PTCD2: variants seen among roughly 807,000 people sequenced by gnomAD.
PTCD2 encodes pentatricopeptide repeat domain 2.
Under a neutral mutation model 42.6 loss-of-function variants are expected in PTCD2, and 31 were observed. The observed-to-expected ratio is 0.73, with a 90% CI of 0.55 to 0.98. PTCD2 has a LOEUF of 0.98. Among genes scored for constraint, PTCD2 ranks in the 50% least tolerant of loss-of-function variants. The probability of loss-of-function intolerance (pLI) is 0.00; values close to 1 mark genes in which losing one functional copy is unlikely to be tolerated. For synonymous variants in PTCD2, 183 were observed against 170.9 expected (o/e 1.07, Z -0.55); for missense variants, 476 against 454.8 (o/e 1.05, Z -0.42).
chr5:72,339,073 G>A (rs1346882914), intron 7 of PTCD2, among the ~76,000 whole-genome samples: 1 of 152,250 alleles, frequency 6.6e-6, no homozygotes, highest in Admixed American at 6.5e-5. Flanking sequence ...AGCCTCAGAT[G>A]AATGAGGACT....
Position 72,338,611 on chromosome 5 carries a change from TCTC to T in PTCD2, c.640-7_640-5del, listed in dbSNP as rs753310556. 3.6e-6 allele frequency: 5 copies of T among 1,393,878 alleles called. No homozygotes were observed. The South Asian group carries it at 5.9e-5, about 17-fold the overall frequency. The allele number at this position is 1,393,878 out of a possible 1,614,324, so 86.3% of individuals were successfully genotyped here. On this transcript the variant is annotated splice_region_variant and splice_polypyrimidine_tract_variant and intron_variant, in intron 6 of 9. Transcript: ENST00000380639. ...TTATAACATTAATCGAACAATCCTGTCTCCTCACAGAATAGCCCTGAGTCTTTC... is the reference window on the plus strand; with the variant it reads ...TTATAACATTAATCGAACAATCCTGTCTCACAGAATAGCCCTGAGTCTTTC...
At chr5:72,325,742 A>C (rs763623261) in intron 2 of PTCD2, among the ~76,000 whole-genome samples, 1 of 152,196 alleles carries the variant, frequency 6.6e-6, no homozygotes, top group Admixed American at 6.5e-5. Context: ...GGTTCTTGGA[A>C]CAAATCCTAT....
At position 72,358,384 on chromosome 5, in the gene PTCD2, G is replaced by A. The variant is rs768526961; in HGVS notation, c.1124G>A (p.Arg375His). 11 of 1,613,566 alleles carry A rather than the reference G, an allele frequency of 6.8e-6. No individual in the cohort carries two copies. The East Asian group carries it at 8.9e-5, about 13-fold the overall frequency. The change falls in exon 10 of 10, where the codon CGT (arginine) becomes CAT (histidine). Residue 375 changes from arginine to histidine, a missense_variant. By Grantham distance (29) the Arg-to-His change is conservative. Coordinates refer to ENST00000380639, the MANE Select transcript of PTCD2 (RefSeq NM_024754.5). ...CTATTAAACAAGAGGATGGTCAGCCGTCGCACCTTCCAGCCACTCAGCCAG... is the reference window on the plus strand; with the variant it reads ...CTATTAAACAAGAGGATGGTCAGCCATCGCACCTTCCAGCCACTCAGCCAG... ...TLLLNKRMVS[R>H]RTFQPLSQSL...
intron 8 of PTCD2, among the ~76,000 whole-genome samples, chr5:72,351,236 G>A (rs1752605180): frequency 6.6e-6 from 1 of 152,140 alleles, no homozygotes; most frequent in African/African-American, 2.4e-5. Flanking sequence ...GGGGGGAGAT[G>A]TGTTCTTTTT....
At position 72,331,260 on chromosome 5, in the gene PTCD2, A is replaced by G; in HGVS notation, c.353A>G (p.Tyr118Cys). 1 of 1,599,502 alleles carries G rather than the reference A, an allele frequency of 6.3e-7. No homozygotes were observed. The highest frequency in any genetic ancestry group is 1.1e-5 in the South Asian group (1 of 90,770). Residue 118 changes from tyrosine to cysteine, a missense_variant and splice_region_variant, in exon 4 of 10, where the codon TAC becomes TGC. Coordinates refer to ENST00000380639, the MANE Select transcript of PTCD2 (RefSeq NM_024754.5). ...VELAKNVIYR[Y>C]HAENKNFTLG... is the part of the protein sequence containing the mutation. ...CATTGAATCATTTTCATTACCAGGT[A>G]CCATGCAGAGAACAAAAATTTCACT...
rs1753099281 is a variant in PTCD2, at chr5:72,361,746, C to G, written c.*3319C>G. ...CATGGTTTAGAAGGTCCTTCCTAAT[C>G]TGGCCCACATTTGTCCATCCAGCTC... On this transcript the variant is annotated 3_prime_UTR_variant, in exon 10 of 10. Transcript: ENST00000380639. 6.6e-6 allele frequency: 1 copy of G among 152,482 alleles called. No homozygotes were observed. The highest frequency in any genetic ancestry group is 2.1e-4 in the South Asian group (1 of 4,834). The allele number at this position is 152,482 out of a possible 1,614,324, so 9.4% of individuals were successfully genotyped here.
chr5:72,353,475 A>G (rs1242199863), intron 9 of PTCD2, among the ~76,000 whole-genome samples: 1 of 152,214 alleles, frequency 6.6e-6, no homozygotes, highest in African/African-American at 2.4e-5. Context: ...TTACTGTGAT[A>G]ATGTAATATG....
intron 8 of PTCD2, among the ~76,000 whole-genome samples, chr5:72,347,180 C>T (rs1022778304): frequency 2.8e-4 from 42 of 152,130 alleles, no homozygotes; most frequent in East Asian, 5.8e-4. Context: ...TGTCTGACTG[C>T]GAAGCCTAGG....
At chr5:72,327,104 T>C (rs1201941260) in intron 3 of PTCD2, among the ~76,000 whole-genome samples, 7 of 152,226 alleles carry the variant, frequency 4.6e-5, no homozygotes, top group African/African-American at 1.4e-4. Context: ...TTTTGGAGCC[T>C]CTTTACTCTC....
intron 1 of PTCD2, 93 bp downstream of exon 1, chr5:72,320,602 T>G: frequency 6.5e-7 from 1 of 1,547,412 alleles, no homozygotes; most frequent in Non-Finnish European, 8.8e-7. Context: ...CAGCCACAGC[T>G]CCTAAGTCAC....
chr5:72,358,461 C>T lies in PTCD2; in HGVS notation c.*34C>T, dbSNP rs1752995870. ...TCAGTCCACCTATGGATCTGAGGGG[C>T]CTGCTTCTAGTGAGTTATTACCTTT... On this transcript the variant is annotated 3_prime_UTR_variant, in exon 10 of 10. Coordinates refer to ENST00000380639, the MANE Select transcript of PTCD2 (RefSeq NM_024754.5). The T allele has an allele frequency of 6.7e-7, 1 of 1,498,454 alleles. No individual in the cohort carries two copies. Among genetic ancestry groups the T allele is most frequent in the Non-Finnish European group, 9.3e-7 (1 of 1,080,040 alleles). 92.8% of individuals were successfully genotyped at this position (1,498,454 alleles called of 1,614,324 possible).
At chr5:72,348,474 C>T (rs1356708669) in intron 8 of PTCD2, among the ~76,000 whole-genome samples, 2 of 152,186 alleles carry the variant, frequency 1.3e-5, no homozygotes, top group Non-Finnish European at 2.9e-5. Flanking sequence ...GCTCCTGTTG[C>T]CAGTGTGACC....
chr5:72,354,042 C>A (rs970461841), intron 9 of PTCD2, among the ~76,000 whole-genome samples: 2 of 151,896 alleles, frequency 1.3e-5, no homozygotes, highest in Non-Finnish European at 2.9e-5. Flanking sequence ...AGTCTACAAG[C>A]AAAGTCAAGA....
At chr5:72,338,260 CT>C (rs564247746) in intron 6 of PTCD2, among the ~76,000 whole-genome samples, 2 of 152,126 alleles carry the variant, frequency 1.3e-5, no homozygotes, top group Non-Finnish European at 2.9e-5. Context: ...GTTGTTGAGC[CT>C]TAATCAGCTA....
chr5:72,344,764 G>A (rs996126416), intron 8 of PTCD2, among the ~76,000 whole-genome samples: 20 of 152,176 alleles, frequency 1.3e-4, no homozygotes, highest in African/African-American at 2.2e-4. Flanking sequence ...ATCACATGTC[G>A]GCAGGTTCCG....
intron 8 of PTCD2, among the ~76,000 whole-genome samples, chr5:72,345,601 C>T (rs375990454): frequency 2.0e-5 from 3 of 152,272 alleles, no homozygotes; most frequent in African/African-American, 2.4e-5. Flanking sequence ...AAATTATAAA[C>T]GTATTAATTT....
intron 4 of PTCD2, among the ~76,000 whole-genome samples, chr5:72,332,640 A>C (rs1751500198): frequency 6.6e-6 from 1 of 152,242 alleles, no homozygotes; most frequent in South Asian, 2.1e-4. Flanking sequence ...AAAAGATGAA[A>C]GCAAACGGGT....
chr5:72,350,341 T>A (rs1752561792), intron 8 of PTCD2, among the ~76,000 whole-genome samples: 1 of 152,198 alleles, frequency 6.6e-6, no homozygotes, highest in Non-Finnish European at 1.5e-5. Context: ...TTTGCATCAG[T>A]TTCCTGAGCC....
chr5:72,349,600 G>T (rs60408300), intron 8 of PTCD2, among the ~76,000 whole-genome samples: 2,533 of 152,160 alleles, frequency 0.017, 77 homozygotes, highest in African/African-American at 0.056. Flanking sequence ...ATCTAGTAAC[G>T]TATTTCCTGA....
Sources: gnomAD v4.1 joint callset for allele counts (sites outside exome capture counted in the v4.1 genomes callset) on GRCh38, gnomAD v4.1.1 for gene constraint, MANE v1.5 for transcripts, NCBI Gene and HGNC (gene_info 2026-07-23, HGNC 2026-07-21) for gene names.